The following ZNF277 variants were observed in gnomAD, a reference collection of about 807,000 sequenced individuals.
The protein encoded by ZNF277 is nuclear receptor-interacting factor 4.
ZNF277 carries 55 observed loss-of-function variants against 60.7 expected under a neutral mutation model. The ratio of observed to expected loss-of-function variants is 0.91; its 90% CI spans 0.73 to 1.13. ZNF277 has a LOEUF of 1.13. Ranked by LOEUF, ZNF277 falls within the 50% of genes most tolerant of loss-of-function variation. The probability of loss-of-function intolerance (pLI) is 0.00; values close to 1 mark genes in which losing one functional copy is unlikely to be tolerated. For synonymous variants in ZNF277, 178 were observed against 179.3 expected, an observed-to-expected ratio of 0.99 and a Z score of 0.06; for missense variants, 510 against 523.0, an observed-to-expected ratio of 0.98 and a Z score of 0.24.
chr7:112,333,466 C>A (rs10953711), intron 7 of ZNF277, among the ~76,000 whole-genome samples: 1 of 151,980 alleles, frequency 6.6e-6, no homozygotes, highest in East Asian at 1.9e-4. Context: ...AGTCAGCGTT[C>A]GACCTCTCCT....
At chr7:112,214,874 C>T (rs1169427607) in intron 1 of ZNF277, among the ~76,000 whole-genome samples, 1 of 151,966 alleles carries the variant, frequency 6.6e-6, no homozygotes, top group Non-Finnish European at 1.5e-5. Flanking sequence ...GTCAGAAGAC[C>T]TGGATTCTGA....
chr7:112,222,845 G>T (rs1333527369), intron 1 of ZNF277, among the ~76,000 whole-genome samples: 1 of 152,146 alleles, frequency 6.6e-6, no homozygotes, highest in African/African-American at 2.4e-5. Context: ...GCTGGGAAAG[G>T]CAGACCCACC....
At chr7:112,232,048 T>TATAC (rs1822350571) in intron 1 of ZNF277, among the ~76,000 whole-genome samples, 1 of 6,578 alleles carries the variant, frequency 1.5e-4, no homozygotes, top group African/African-American at 2.0e-4. Flanking sequence ...AATACATATA[T>TATAC]ATATATATAT....
At chr7:112,225,818 T>C (rs1291331169) in intron 1 of ZNF277, among the ~76,000 whole-genome samples, 1 of 152,226 alleles carries the variant, frequency 6.6e-6, no homozygotes, top group Non-Finnish European at 1.5e-5. Context: ...TTTAGTATAC[T>C]ATTTATGTTT....
intron 4 of ZNF277, among the ~76,000 whole-genome samples, chr7:112,299,445 T>C (rs948423599): frequency 1.3e-5 from 2 of 152,202 alleles, no homozygotes; most frequent in African/African-American, 4.8e-5. Context: ...GTATACCATT[T>C]CTGAGAGGCA....
intron 5 of ZNF277, among the ~76,000 whole-genome samples, chr7:112,319,643 A>G (rs1443565088): frequency 1.4e-5 from 2 of 147,822 alleles, no homozygotes; most frequent in African/African-American, 2.5e-5. Context: ...ATAAATTATA[A>G]TTTATAAATT....
At chr7:112,267,951 T>C (rs758156423) in intron 1 of ZNF277, among the ~76,000 whole-genome samples, 8 of 152,292 alleles carry the variant, frequency 5.3e-5, no homozygotes, top group South Asian at 4.1e-4. Flanking sequence ...GGGACAGATA[T>C]GCATTTTTGT....
intron 1 of ZNF277, among the ~76,000 whole-genome samples, chr7:112,234,693 T>C (rs757770205): frequency 2.0e-5 from 3 of 152,158 alleles, no homozygotes; most frequent in Non-Finnish European, 4.4e-5. Flanking sequence ...GATGTATGTC[T>C]GTCCAGTGGT....
chr7:112,228,497 A>G (rs994092564), intron 1 of ZNF277, among the ~76,000 whole-genome samples: 8 of 109,764 alleles, frequency 7.3e-5, no homozygotes, highest in Admixed American at 1.4e-4. Context: ...TGTTGAGCAC[A>G]TGCTGTCCCT....
intron 1 of ZNF277, among the ~76,000 whole-genome samples, chr7:112,221,444 C>G (rs1376201417): frequency 6.6e-6 from 1 of 152,206 alleles, no homozygotes; most frequent in Non-Finnish European, 1.5e-5. Context: ...GGTCCCCAAC[C>G]TTCTTGGCAC....
intron 1 of ZNF277, among the ~76,000 whole-genome samples, chr7:112,250,850 C>T (rs1161553438): frequency 1.3e-5 from 2 of 152,162 alleles, no homozygotes; most frequent in African/African-American, 4.8e-5. Context: ...GTGTCCCTCT[C>T]ACCAATAAAC....
intron 1 of ZNF277, among the ~76,000 whole-genome samples, chr7:112,254,048 C>T (rs1278311801): frequency 3.3e-5 from 5 of 152,146 alleles, no homozygotes; most frequent in African/African-American, 1.2e-4. Flanking sequence ...GTTAAAATAG[C>T]CATGAAACAC....
At chr7:112,306,297 C>A (rs1456837893) in intron 4 of ZNF277, among the ~76,000 whole-genome samples, 1 of 151,284 alleles carries the variant, frequency 6.6e-6, no homozygotes, top group Non-Finnish European at 1.5e-5. Context: ...TCCCTGCAGC[C>A]TCCGCCTTCC....
rs776462824 is a variant in ZNF277, at chr7:112,286,847, T to G, written c.92-26T>G. The G allele has an allele frequency of 6.9e-6, 9 of 1,295,334 alleles. No individual in the cohort carries two copies. The Admixed American group carries it at 2.6e-4, about 38-fold the overall frequency. 80.2% of individuals were successfully genotyped at this position (1,295,334 alleles called of 1,614,324 possible). A position where few individuals can be genotyped will look rare whatever the true frequency, so the allele number is the denominator to read the frequency against. On this transcript the variant is annotated intron_variant, in intron 1 of 11. Transcript: ENST00000361822. ...TTTCAGCTTTTCTTTCTTTCTTTTT[T>G]TTTTTTTTTTTTTGGTCTATTCCAG...
chr7:112,224,282 T>C (rs532498547), intron 1 of ZNF277, among the ~76,000 whole-genome samples: 5 of 152,298 alleles, frequency 3.3e-5, no homozygotes, highest in East Asian at 1.9e-4. Flanking sequence ...ACACTTACAA[T>C]AGATAATGAA....
chr7:112,246,669 A>G lies in ZNF277; in HGVS notation c.91+39862A>G, dbSNP rs1464390978. On this transcript the variant is annotated intron_variant, in intron 1 of 11. Coordinates refer to ENST00000361822, the MANE Select transcript of ZNF277 (RefSeq NM_021994.3). ...GAGTTTGGAGTCTGTGTGGAGCATC[A>G]GTTTGTATGGAAGACATAGCCAGTG... Among the ~76,000 whole-genome samples, 4 of 152,298 alleles carry G rather than the reference A, an allele frequency of 2.6e-5. No individual in the cohort carries two copies. The East Asian group carries it at 7.7e-4, about 29-fold the overall frequency.
At chr7:112,225,047 G>A (rs984391360) in intron 1 of ZNF277, among the ~76,000 whole-genome samples, 2 of 152,186 alleles carry the variant, frequency 1.3e-5, no homozygotes, top group African/African-American at 4.8e-5. Flanking sequence ...AAGTCAAGAA[G>A]TGATAGAATC....
At chr7:112,240,352 A>G (rs1790917197) in intron 1 of ZNF277, among the ~76,000 whole-genome samples, 1 of 152,222 alleles carries the variant, frequency 6.6e-6, no homozygotes, top group Non-Finnish European at 1.5e-5. Context: ...AAGATGTAGT[A>G]TTTGATAGCA....
At chr7:112,303,072 C>T (rs530449948) in intron 4 of ZNF277, among the ~76,000 whole-genome samples, 61 of 151,584 alleles carry the variant, frequency 4.0e-4, no homozygotes, top group African/African-American at 1.4e-3. Flanking sequence ...CTCAGCCTCC[C>T]GAGGAGTAGC....
Sources: gnomAD v4.1 joint callset for allele counts (sites outside exome capture counted in the v4.1 genomes callset) on GRCh38, gnomAD v4.1.1 for gene constraint, MANE v1.5 for transcripts, NCBI Gene and HGNC (gene_info 2026-07-23, HGNC 2026-07-21) for gene names.